The following SEMA5A variants were observed in gnomAD, a reference collection of about 807,000 sequenced individuals.
SEMA5A encodes semaphorin-5A.
Under a neutral mutation model 135.5 loss-of-function variants are expected in SEMA5A, and 55 were observed. The ratio of observed to expected loss-of-function variants is 0.41; its 90% CI spans 0.33 to 0.51. The LOEUF (loss-of-function observed/expected upper bound fraction) is 0.51, where lower values mean the gene tolerates loss of function less well. Among genes scored for constraint, SEMA5A ranks in the 20% least tolerant of loss-of-function variants. The pLI, the probability that SEMA5A is intolerant of heterozygous loss-of-function variation, is 0.37. For synonymous variants in SEMA5A, 580 were observed against 546.5 expected (o/e 1.06, Z -0.85); for missense variants, 1,290 against 1,419.9 (o/e 0.91, Z 1.47).
chr5:9,446,394 T>C (rs1033115654), intron 1 of SEMA5A, among the ~76,000 whole-genome samples: 10 of 152,252 alleles, frequency 6.6e-5, no homozygotes, highest in Admixed American at 6.5e-5. Context: ...GTGCTCAAAA[T>C]GAGCAATTTC....
chr5:9,065,291 G>A (rs1737403220), intron 17 of SEMA5A, among the ~76,000 whole-genome samples: 1 of 152,194 alleles, frequency 6.6e-6, no homozygotes, highest in Non-Finnish European at 1.5e-5. Flanking sequence ...GCTCCCAGGA[G>A]AAGTCATGGT....
At chr5:9,433,770 G>A (rs544104791) in intron 2 of SEMA5A, among the ~76,000 whole-genome samples, 1 of 152,022 alleles carries the variant, frequency 6.6e-6, no homozygotes, top group Non-Finnish European at 1.5e-5. Flanking sequence ...CAAAGTTTTT[G>A]AGTAATGATA....
chr5:9,044,447 G>A lies in SEMA5A; in HGVS notation c.3031C>T (p.Pro1011Ser). The part of the protein sequence containing the change: ...HDATVIHPVS[P>S]APLNTSITNH... ...GTTATGCTGGTATTAAGGGGGGCAG[G>A]TGAGACGGGGTGGATGACAGTCGCA... is the stretch of plus-strand genomic sequence containing the variant. The change falls in exon 22 of 23, where the codon CCT (proline) becomes TCT (serine). Residue 1011 changes from proline (P) to serine (S), a missense_variant. This residue lies in a region of SEMA5A where 1,029 missense variants were observed against 1,086.6 expected (regional missense o/e 0.95). Coordinates refer to ENST00000382496, the MANE Select transcript of SEMA5A (RefSeq NM_003966.3). The A allele has an allele frequency of 1.2e-6, 2 of 1,613,958 alleles. No homozygotes were observed. Among genetic ancestry groups the A allele is most frequent in the Non-Finnish European group, 1.7e-6 (2 of 1,179,988 alleles).
At chr5:9,535,234 T>C (rs1490406183) in intron 1 of SEMA5A, among the ~76,000 whole-genome samples, 1 of 152,230 alleles carries the variant, frequency 6.6e-6, no homozygotes, top group Non-Finnish European at 1.5e-5. Flanking sequence ...AGCTTTCAAG[T>C]GAATGAATCT....
chr5:9,283,981 A>AATAGATAG (rs112263303), intron 5 of SEMA5A, among the ~76,000 whole-genome samples: 1,676 of 152,204 alleles, frequency 0.011, 30 homozygotes, highest in African/African-American at 0.038. Context: ...CTTACTAAAA[A>AATAGATAG]ATAGATAGAT....
At chr5:9,487,047 CAAACA>C (rs1734770670) in intron 1 of SEMA5A, among the ~76,000 whole-genome samples, 1 of 150,672 alleles carries the variant, frequency 6.6e-6, no homozygotes, top group African/African-American at 2.4e-5. Flanking sequence ...AAAATGCATA[CAAACA>C]AAACAAAACA....
chr5:9,334,248 A>C (rs1160719152), intron 4 of SEMA5A, among the ~76,000 whole-genome samples: 3 of 152,224 alleles, frequency 2.0e-5, no homozygotes, highest in Non-Finnish European at 4.4e-5. Flanking sequence ...ATTTTTTCAC[A>C]ACTCATATTT....
chr5:9,512,156 C>A (rs1318305471), intron 1 of SEMA5A: 1 of 152,152 alleles, frequency 6.6e-6, no homozygotes, highest in African/African-American at 2.4e-5. Flanking sequence ...ATAGCCCCAG[C>A]TCCACCTCCC....
At chr5:9,287,810 A>G (rs1344068884) in intron 5 of SEMA5A, among the ~76,000 whole-genome samples, 1 of 152,150 alleles carries the variant, frequency 6.6e-6, no homozygotes, top group Non-Finnish European at 1.5e-5. Context: ...CCCTGTACAG[A>G]AAATGTTTGC....
At chr5:9,416,278 T>C (rs1757280420) in intron 2 of SEMA5A, among the ~76,000 whole-genome samples, 1 of 152,156 alleles carries the variant, frequency 6.6e-6, no homozygotes, top group Non-Finnish European at 1.5e-5. Flanking sequence ...AAGTTGAGAA[T>C]TGGAGAGGTG....
intron 5 of SEMA5A, among the ~76,000 whole-genome samples, chr5:9,297,720 A>AT (rs70943952): frequency 0.83 from 119,193 of 144,088 alleles, 49,312 homozygotes; most frequent in East Asian, 0.9. Flanking sequence ...ATGTCAAGCT[A>AT]TTTTTTTTTT....
chr5:9,069,555 TCTAA>T (rs1490206985), intron 16 of SEMA5A, among the ~76,000 whole-genome samples: 7 of 152,232 alleles, frequency 4.6e-5, no homozygotes, highest in Non-Finnish European at 8.8e-5. Context: ...TTTTAAATAC[TCTAA>T]CTAGCTTTCT....
At chr5:9,415,002 T>A (rs1028578958) in intron 2 of SEMA5A, among the ~76,000 whole-genome samples, 2 of 152,152 alleles carry the variant, frequency 1.3e-5, no homozygotes, top group Non-Finnish European at 2.9e-5. Context: ...CATAGATGGG[T>A]CTCAATTATT....
At chr5:9,307,989 T>G (rs1751951044) in intron 5 of SEMA5A, among the ~76,000 whole-genome samples, 1 of 152,176 alleles carries the variant, frequency 6.6e-6, no homozygotes, top group Admixed American at 6.6e-5. Context: ...TATTAGAAAT[T>G]AAGATATGCA....
At chr5:9,387,130 T>G (rs1260447602) in intron 2 of SEMA5A, among the ~76,000 whole-genome samples, 4 of 152,206 alleles carry the variant, frequency 2.6e-5, no homozygotes, top group Non-Finnish European at 4.4e-5. Context: ...GCTGCTTATA[T>G]TCTACAGCCC....
At chr5:9,481,225 C>T (rs1759864351) in intron 1 of SEMA5A, among the ~76,000 whole-genome samples, 1 of 152,164 alleles carries the variant, frequency 6.6e-6, no homozygotes, top group African/African-American at 2.4e-5. Context: ...GGATTATAGG[C>T]ATGAGCCACC....
intron 8 of SEMA5A, among the ~76,000 whole-genome samples, chr5:9,210,345 C>G (rs115157427): frequency 6.6e-6 from 1 of 152,062 alleles, no homozygotes; most frequent in Admixed American, 6.6e-5. Flanking sequence ...TTCAGAGCAC[C>G]GTAAGAACTG....
chr5:9,056,646 T>A (rs1488319216), intron 18 of SEMA5A, among the ~76,000 whole-genome samples: 2 of 152,214 alleles, frequency 1.3e-5, no homozygotes, highest in African/African-American at 4.8e-5. Context: ...CGCAGGAACC[T>A]GTGAGGCGGA....
chr5:9,044,482 T>C lies in SEMA5A; in HGVS notation c.2996A>G (p.Gln999Arg). The C allele has an allele frequency of 6.2e-7, 1 of 1,614,000 alleles. No homozygotes were observed. The highest frequency in any genetic ancestry group is 1.1e-5 in the South Asian group (1 of 91,058). The change falls in exon 22 of 23, where the codon CAA (glutamine) becomes CGA (arginine). Residue 999 changes from glutamine (Q) to arginine (R), a missense_variant. Physicochemically the swap from Gln to Arg is conservative, Grantham distance 43. Around this residue, in one of 3 missense-constraint regions of SEMA5A, gnomAD observed 1,029 missense variants for 1,086.6 expected, o/e 0.95. Transcript: ENST00000382496. ...VYTYCQRYQQ[Q>R]SHDATVIHPV... ...GTGGATGACAGTCGCATCGTGGGAT[T>C]GCTGCTGGTACCGCTGGCAGTAAGT...
Sources: gnomAD v4.1 joint callset for allele counts (sites outside exome capture counted in the v4.1 genomes callset) on GRCh38, gnomAD v4.1.1 for gene constraint, gnomAD v4.1.1 regional missense constraint, MANE v1.5 for transcripts, NCBI Gene and HGNC (gene_info 2026-07-23, HGNC 2026-07-21) for gene names.